PRSS48: variants seen among roughly 807,000 people sequenced by gnomAD.
The protein encoded by PRSS48 is epidermis-specific serine protease-like protein.
A neutral mutation model predicts 25.6 loss-of-function variants in PRSS48; 21 were observed. The observed-to-expected ratio is 0.82, with a 90% CI of 0.58 to 1.18. The LOEUF (loss-of-function observed/expected upper bound fraction) is 1.18. Ranked by LOEUF, PRSS48 falls within the 50% of genes most tolerant of loss-of-function variation. The probability of loss-of-function intolerance (pLI) is 0.00; values close to 1 mark genes in which losing one functional copy is unlikely to be tolerated. For synonymous variants in PRSS48, 150 were observed against 149.3 expected (o/e 1.00, Z -0.04); for missense variants, 373 against 399.3 (o/e 0.93, Z 0.56).
chr4:151,290,429 C>T (rs1220847758), intron 4 of PRSS48, among the ~76,000 whole-genome samples: 2 of 152,022 alleles, frequency 1.3e-5, no homozygotes, highest in African/African-American at 2.4e-5. Context: ...TGAAACATGC[C>T]AGACACAAAA....
At chr4:151,287,916 A>G (rs1774975424) in intron 4 of PRSS48, among the ~76,000 whole-genome samples, 1 of 152,210 alleles carries the variant, frequency 6.6e-6, no homozygotes, top group Non-Finnish European at 1.5e-5. Context: ...AATAAAAAGG[A>G]TATACCATAA....
chr4:151,286,967 G>C (rs1241088389), intron 4 of PRSS48, among the ~76,000 whole-genome samples: 2 of 140,842 alleles, frequency 1.4e-5, no homozygotes, highest in African/African-American at 5.5e-5. Flanking sequence ...GTGACAGAGT[G>C]AGATTCTGTC....
At position 151,282,332 on chromosome 4, in the gene PRSS48, T is replaced by C. The variant is rs368123924; in HGVS notation, c.400T>C (p.Cys134Arg). The C allele has an allele frequency of 5.1e-5, 83 of 1,613,938 alleles. No individual in the cohort carries two copies. The highest frequency in any genetic ancestry group is 6.8e-5 in the Non-Finnish European group (80 of 1,179,864). ...CTTCACTTCTGCCATCCTGCCTATT[T>C]GCTTGCCCAGTGTCACAAAGCAGTT... The change falls in exon 3 of 5, where the codon TGC becomes CGC. Residue 134 changes from cysteine (C) to arginine (R), a missense_variant. Physicochemically the swap from Cys to Arg is radical, Grantham distance 180. Transcript: ENST00000455694.
At position 151,284,680 on chromosome 4, in the gene PRSS48, T is replaced by C. The variant is rs144688170; in HGVS notation, c.651+1394T>C. Among the ~76,000 whole-genome samples, 467 of 152,342 alleles carry C rather than the reference T, an allele frequency of 3.1e-3. 2 individuals carry two copies. Among genetic ancestry groups the C allele is most frequent in the Middle Eastern group, 0.01 (3 of 294 alleles). ...TTTAATATCTAATCATTTTGGAATA[T>C]ATCCTGGACAATGTCAATAGCATGG... On this transcript the variant is annotated intron_variant, in intron 4 of 4. Coordinates refer to ENST00000455694, the Ensembl canonical transcript of PRSS48.
intron 2 of PRSS48, among the ~76,000 whole-genome samples, 156 bp downstream of exon 2, chr4:151,280,114 C>T (rs1774065953): frequency 6.6e-6 from 1 of 152,256 alleles, no homozygotes. Flanking sequence ...CAACTAGAGA[C>T]AGGGCATAGA....
At chr4:151,285,750 C>T (rs1774686984) in intron 4 of PRSS48, among the ~76,000 whole-genome samples, 1 of 151,716 alleles carries the variant, frequency 6.6e-6, no homozygotes, top group Non-Finnish European at 1.5e-5. Context: ...GCCTGTAGTC[C>T]CAGCTACTTA....
chr4:151,284,761 C>T (rs1052556489), intron 4 of PRSS48, among the ~76,000 whole-genome samples: 3 of 152,084 alleles, frequency 2.0e-5, no homozygotes, highest in South Asian at 2.1e-4. Context: ...CCTGTTTCAA[C>T]GGGAAGTCAA....
Position 151,291,374 on chromosome 4 carries a change from T to C in PRSS48, c.908T>C (p.Val303Ala), listed in dbSNP as rs370676093. 17 of 1,613,858 alleles carry C rather than the reference T, an allele frequency of 1.1e-5. No individual in the cohort carries two copies. The East Asian group carries it at 2.5e-4, about 23-fold the overall frequency. Residue 303 changes from valine to alanine, a missense_variant, in exon 5 of 5, where the codon GTA becomes GCA. Transcript: ENST00000455694. The stretch of plus-strand genomic sequence containing the variant: ...TTTGGACCTAACACTATACACAGAG[T>C]AGGCACTGTAGCTGAAGCTGTTGCT...
chr4:151,286,199 A>AAAAAAAAAAC (rs1774761977), intron 4 of PRSS48, among the ~76,000 whole-genome samples: 2 of 149,130 alleles, frequency 1.3e-5, no homozygotes, highest in African/African-American at 5.0e-5. Flanking sequence ...AAAAAAAAAA[A>AAAAAAAAAAC]AAAAACAACT....
At chr4:151,278,761 G>A (rs1773893029) in intron 1 of PRSS48, among the ~76,000 whole-genome samples, 1 of 152,146 alleles carries the variant, frequency 6.6e-6, no homozygotes, top group Admixed American at 6.5e-5. Context: ...CTCCCAAGTA[G>A]CTGGGACTAC....
At chr4:151,287,377 A>G (rs907821299) in intron 4 of PRSS48, among the ~76,000 whole-genome samples, 1 of 151,706 alleles carries the variant, frequency 6.6e-6, no homozygotes, top group African/African-American at 2.4e-5. Flanking sequence ...AACACTTCCC[A>G]ACTCATTCGA....
rs117926658 is a variant in PRSS48, at chr4:151,278,007, C to G, written c.52+783C>G. 3.7e-3 allele frequency among the ~76,000 whole-genome samples: 556 copies of G among 152,278 alleles called. 23 individuals carry two copies. The East Asian group carries it at 0.091, about 25-fold the overall frequency. The stretch of plus-strand genomic sequence containing the variant: ...AGTAAGCCGAGATAGCGCCACTGCA[C>G]TCCAGCCTTAGCGACAGAGTAAGAC... On this transcript the variant is annotated intron_variant, in intron 1 of 4. Transcript: ENST00000455694.
At chr4:151,290,602 A>G (rs1775224954) in intron 4 of PRSS48, among the ~76,000 whole-genome samples, 2 of 152,220 alleles carry the variant, frequency 1.3e-5, no homozygotes, top group Non-Finnish European at 2.9e-5. Flanking sequence ...AAAATGTTCT[A>G]AAATGGGTTG....
chr4:151,282,972 G>C lies in PRSS48; in HGVS notation c.482-145G>C, dbSNP rs182058974. ...AGTTTTAGATTTAAGTGTACCAAAA[G>C]ATCCACCCATAAGCAAATATGATTG... On this transcript the variant is annotated intron_variant, in intron 3 of 4. Transcript: ENST00000455694. 4.7e-6 allele frequency: 3 copies of C among 640,638 alleles called. No individual in the cohort carries two copies. The Admixed American group carries it at 7.7e-5, about 16-fold the overall frequency. 39.7% of individuals were successfully genotyped at this position (640,638 alleles called of 1,614,324 possible).
chr4:151,280,004 T>C, intron 2 of PRSS48, 46 bp downstream of exon 2: 1 of 1,270,804 alleles, frequency 7.9e-7, no homozygotes, highest in Non-Finnish European at 1.0e-6. Flanking sequence ...TCTCAGTGAA[T>C]ATTTGCATCA....
At chr4:151,286,499 T>C (rs1424286394) in intron 4 of PRSS48, among the ~76,000 whole-genome samples, 3 of 150,756 alleles carry the variant, frequency 2.0e-5, no homozygotes, top group East Asian at 3.9e-4. Context: ...TAAGATGATA[T>C]GGACAAATTC....
chr4:151,277,887 A>C (rs1467228950), intron 1 of PRSS48, among the ~76,000 whole-genome samples: 1 of 152,122 alleles, frequency 6.6e-6, no homozygotes, highest in East Asian at 1.9e-4. Flanking sequence ...CAAAAAATAC[A>C]AAAATTAGCC....
intron 2 of PRSS48, among the ~76,000 whole-genome samples, chr4:151,280,805 G>A (rs1301848725): frequency 6.6e-6 from 1 of 151,066 alleles, no homozygotes; most frequent in Non-Finnish European, 1.5e-5. Context: ...AAAAAATTAA[G>A]TTTAAAAAAA....
At chr4:151,287,466 G>A (rs541670407) in intron 4 of PRSS48, among the ~76,000 whole-genome samples, 2 of 152,044 alleles carry the variant, frequency 1.3e-5, no homozygotes, top group Non-Finnish European at 2.9e-5. Context: ...GAACAGAGGT[G>A]TAAAAATCCT....
Sources: gnomAD v4.1 joint callset for allele counts (sites outside exome capture counted in the v4.1 genomes callset) on GRCh38, gnomAD v4.1.1 for gene constraint, MANE v1.5 for transcripts, NCBI Gene and HGNC (gene_info 2026-07-23, HGNC 2026-07-21) for gene names.